The following PLPPR5 variants were observed in gnomAD, a reference collection of about 807,000 sequenced individuals.
The protein encoded by PLPPR5 is phospholipid phosphatase related 5.
PLPPR5 carries 16 observed loss-of-function variants against 33.9 expected under a neutral mutation model. The ratio of observed to expected loss-of-function variants is 0.47; its 90% CI spans 0.32 to 0.72. The LOEUF is 0.72. PLPPR5 is among the 30% of genes least tolerant of loss of function. PLPPR5 has a pLI of 0.03. For missense variants in PLPPR5, 301 were observed against 406.7 expected, an observed-to-expected ratio of 0.74 and a Z score of 2.23; for synonymous variants, 163 against 150.3, an observed-to-expected ratio of 1.08 and a Z score of -0.62.
chr1:98,902,297 A>G (rs1354222175), intron 5 of PLPPR5, among the ~76,000 whole-genome samples: 1 of 152,116 alleles, frequency 6.6e-6, no homozygotes, highest in Non-Finnish European at 1.5e-5. Context: ...AGGCAATAAA[A>G]TATACAGGGA....
intron 1 of PLPPR5, among the ~76,000 whole-genome samples, chr1:98,985,776 G>T (rs909013889): frequency 6.6e-6 from 1 of 151,992 alleles, no homozygotes; most frequent in African/African-American, 2.4e-5. Flanking sequence ...ACATAGCCTA[G>T]GAACAACAGA....
intron 1 of PLPPR5, among the ~76,000 whole-genome samples, chr1:98,995,761 A>G (rs1420750924): frequency 6.6e-6 from 1 of 152,132 alleles, no homozygotes; most frequent in Non-Finnish European, 1.5e-5. Flanking sequence ...TAGAGAACTT[A>G]GAGAATGGAA....
At chr1:98,982,870 C>T (rs1352358298) in intron 1 of PLPPR5, among the ~76,000 whole-genome samples, 1 of 152,016 alleles carries the variant, frequency 6.6e-6, no homozygotes, top group Non-Finnish European at 1.5e-5. Flanking sequence ...CTTTTTGCAT[C>T]AACCCGCTGT....
chr1:98,919,380 G>C (rs1162573362), intron 4 of PLPPR5, among the ~76,000 whole-genome samples: 2 of 152,174 alleles, frequency 1.3e-5, no homozygotes, highest in Non-Finnish European at 2.9e-5. Flanking sequence ...GAGACATAGA[G>C]ACCTGGAGTA....
chr1:98,926,447 A>AGT (rs60874366), intron 3 of PLPPR5, among the ~76,000 whole-genome samples: 6,059 of 132,586 alleles, frequency 0.046, 135 homozygotes, highest in Non-Finnish European at 0.053. Context: ...AGGTTTGATT[A>AGT]GTGTGTGTGT....
intron 1 of PLPPR5, among the ~76,000 whole-genome samples, chr1:99,003,053 T>TTAAA: frequency 1.4e-5 from 1 of 72,490 alleles, no homozygotes; most frequent in South Asian, 5.6e-4. Context: ...GCAACTTATT[T>TTAAA]TACATATATA....
intron 1 of PLPPR5, among the ~76,000 whole-genome samples, chr1:98,971,534 T>C (rs759896724): frequency 6.6e-6 from 1 of 152,068 alleles, no homozygotes; most frequent in Non-Finnish European, 1.5e-5. Context: ...TCCTTGACTT[T>C]TATACTTGTA....
chr1:98,948,618 A>G (rs67749261), intron 3 of PLPPR5, among the ~76,000 whole-genome samples: 15,857 of 152,196 alleles, frequency 0.1, 994 homozygotes, highest in East Asian at 0.23. Flanking sequence ...TTAGGAACCT[A>G]AGTCTTAAGA....
intron 1 of PLPPR5, among the ~76,000 whole-genome samples, chr1:98,966,469 C>G (rs1255326096): frequency 6.6e-6 from 1 of 152,114 alleles, no homozygotes; most frequent in Non-Finnish European, 1.5e-5. Context: ...TCAAAGCAAT[C>G]TGATGAGGTA....
chr1:98,957,327 A>G (rs1446890522), intron 1 of PLPPR5, among the ~76,000 whole-genome samples: 2 of 132,686 alleles, frequency 1.5e-5, no homozygotes, highest in Admixed American at 7.6e-5. Context: ...CCTAAAACTT[A>G]AAGTATAATA....
At chr1:98,927,608 G>A (rs538384223) in intron 3 of PLPPR5, among the ~76,000 whole-genome samples, 1 of 152,342 alleles carries the variant, frequency 6.6e-6, no homozygotes, top group African/African-American at 2.4e-5. Context: ...TGCTGCAGGT[G>A]TACTAAGAGA....
At chr1:98,918,734 C>T (rs1352283974) in intron 4 of PLPPR5, among the ~76,000 whole-genome samples, 5 of 152,158 alleles carry the variant, frequency 3.3e-5, no homozygotes, top group African/African-American at 4.8e-5. Context: ...AGTCATCAAA[C>T]GTGAAGACCG....
At chr1:98,894,711 T>C (rs369109557) in intron 5 of PLPPR5, among the ~76,000 whole-genome samples, 26 of 152,212 alleles carry the variant, frequency 1.7e-4, no homozygotes, top group African/African-American at 5.8e-4. Flanking sequence ...AGGGTTCCCA[T>C]TGTTGACCCA....
At chr1:98,963,280 C>T (rs1036190928) in intron 1 of PLPPR5, among the ~76,000 whole-genome samples, 1 of 152,160 alleles carries the variant, frequency 6.6e-6, no homozygotes, top group Non-Finnish European at 1.5e-5. Flanking sequence ...TCATTCCCTT[C>T]TCTGTGTTCC....
intron 5 of PLPPR5, among the ~76,000 whole-genome samples, chr1:98,902,697 G>A (rs1042582425): frequency 4.6e-5 from 7 of 152,144 alleles, no homozygotes; most frequent in South Asian, 2.1e-4. Context: ...GGAGATGAAC[G>A]GCTGGGATCA....
In PLPPR5 at chr1:98,921,952, G is replaced by C; in HGVS notation, c.728C>G (p.Ala243Gly). ...ATCTGACCAATGATTTCGATATTCT[G>C]CTACTCTGTTGAGTCCAGTAAGAAA... ...LAFLTGLNRV[A>G]EYRNHWSDVI... The change falls in exon 4 of 6, where the codon GCA (alanine) becomes GGA (glycine). Residue 243 changes from alanine to glycine, a missense_variant. Coordinates refer to ENST00000263177, the MANE Select transcript of PLPPR5 (RefSeq NM_001037317.2). 3 of 1,613,946 alleles carry C rather than the reference G, an allele frequency of 1.9e-6. No homozygotes were observed. Among genetic ancestry groups the C allele is most frequent in the Middle Eastern group, 1.7e-4 (1 of 6,056 alleles).
chr1:98,954,930 G>A (rs940555159), intron 2 of PLPPR5, among the ~76,000 whole-genome samples: 4 of 149,562 alleles, frequency 2.7e-5, no homozygotes, highest in Non-Finnish European at 5.9e-5. Context: ...TGATAAGAAT[G>A]TGGAAATGTC....
chr1:98,965,071 C>T (rs552995691), intron 1 of PLPPR5, among the ~76,000 whole-genome samples: 12 of 151,800 alleles, frequency 7.9e-5, no homozygotes, highest in Non-Finnish European at 1.6e-4. Flanking sequence ...CCTCAGCCTC[C>T]CAAAGTGCTG....
intron 3 of PLPPR5, among the ~76,000 whole-genome samples, chr1:98,942,557 G>A (rs1224534786): frequency 6.6e-6 from 1 of 152,188 alleles, no homozygotes; most frequent in African/African-American, 2.4e-5. Flanking sequence ...CTGTGTCATT[G>A]TGCTGTAAGG....
Sources: allele counts gnomAD v4.1 joint callset (sites outside exome capture counted in the v4.1 genomes callset), GRCh38; gene constraint gnomAD v4.1.1; transcripts MANE v1.5; gene names NCBI Gene and HGNC (gene_info 2026-07-23, HGNC 2026-07-21).